The following KIRREL1 variants were observed in gnomAD, a reference collection of about 807,000 sequenced individuals.
The protein encoded by KIRREL1 is kirre like nephrin family adhesion molecule 1.
Under a neutral mutation model 83.3 loss-of-function variants are expected in KIRREL1, and 25 were observed. That is an observed-to-expected ratio of 0.30 (90% CI 0.22 to 0.42). The LOEUF is 0.42. Ranked by LOEUF, KIRREL1 falls within the 10% of genes least tolerant of loss-of-function variation. The pLI is 1.00. For missense variants in KIRREL1, 812 were observed against 1,032.3 expected, an observed-to-expected ratio of 0.79 and a Z score of 2.92; for synonymous variants, 388 against 410.4, an observed-to-expected ratio of 0.95 and a Z score of 0.66.
intron 1 of KIRREL1, among the ~76,000 whole-genome samples, chr1:158,025,880 G>A (rs929659631): frequency 6.6e-6 from 1 of 151,948 alleles, no homozygotes; most frequent in African/African-American, 2.4e-5. Context: ...AGGTCAGGAT[G>A]TCTGAAGAAA....
At chr1:158,022,334 C>G (rs1168302013) in intron 1 of KIRREL1, among the ~76,000 whole-genome samples, 2 of 152,166 alleles carry the variant, frequency 1.3e-5, no homozygotes, top group African/African-American at 4.8e-5. Context: ...TAAACACCTA[C>G]TATGTTCTGG....
chr1:158,078,196 A>G, intron 3 of KIRREL1, 56 bp downstream of exon 3: 1 of 1,560,496 alleles, frequency 6.4e-7, no homozygotes, highest in Non-Finnish European at 8.8e-7. Context: ...GTATCCTGGC[A>G]GTCTCTCCCA....
chr1:158,080,289 T>TAG (rs1320829645), intron 3 of KIRREL1, among the ~76,000 whole-genome samples: 1 of 151,994 alleles, frequency 6.6e-6, no homozygotes, highest in Non-Finnish European at 1.5e-5. Context: ...ATCACAGAGA[T>TAG]AGAGAGAGAT....
At position 158,086,840 on chromosome 1, in the gene KIRREL1, A is replaced by T; in HGVS notation, c.661+94A>T. ...CTTAGTTTGAGAAACACAAACTAAGAGTCCCCCTATGGTCCCCAGGACAAA... is the reference window on the plus strand; with the variant it reads ...CTTAGTTTGAGAAACACAAACTAAGTGTCCCCCTATGGTCCCCAGGACAAA... On this transcript the variant is annotated intron_variant, in intron 5 of 14. Transcript: ENST00000359209. The T allele has an allele frequency of 1.7e-6, 2 of 1,207,130 alleles. 1 individual carries two copies. The highest frequency in any genetic ancestry group is 2.7e-5 in the South Asian group (2 of 72,832). The allele number at this position is 1,207,130 out of a possible 1,614,324, so 74.8% of individuals were successfully genotyped here.
rs7513855 is a variant in KIRREL1 at position 158,089,424 on chromosome 1, G to A, written c.1045-78G>A. The A allele has an allele frequency of 3.9e-3, 6,136 of 1,582,814 alleles. 194 individuals are homozygous for A. In the African/African-American group the frequency reaches 0.074, roughly 19 times the overall value. Reference sequence around the variant, plus strand: ...TGGCCCTTCCTGCTTTCTTTCCGATGCCTCCGATGTGGGGCCCTCATGGAC... The same window carrying A: ...TGGCCCTTCCTGCTTTCTTTCCGATACCTCCGATGTGGGGCCCTCATGGAC... On this transcript the variant is annotated intron_variant, in intron 8 of 14. Transcript: ENST00000359209.
chr1:158,089,212 A>G (rs1005297754), intron 8 of KIRREL1, among the ~76,000 whole-genome samples: 2 of 152,208 alleles, frequency 1.3e-5, no homozygotes, highest in African/African-American at 4.8e-5. Context: ...TGAAAACACT[A>G]GAACAGATCA....
In KIRREL1 at chr1:158,091,552, G is replaced by A. The variant is rs546244037; in HGVS notation, c.1467G>A (p.Glu489=). Reference sequence around the variant, plus strand: ...GCACAGCCATCATCCAGCTGGAAGAGCGAGGTGACTGGTAGTGCTGCCTGC... The same window carrying A: ...GCACAGCCATCATCCAGCTGGAAGAACGAGGTGACTGGTAGTGCTGCCTGC... ...GPGTAIIQLE[E]REVLPVGIIA... The change falls in exon 11 of 15, where the codon GAG becomes GAA. Residue 489 remains glutamate (E), a synonymous_variant. Transcript: ENST00000359209. The A allele has an allele frequency of 6.2e-7, 1 of 1,614,152 alleles. No homozygotes were observed. Among genetic ancestry groups the A allele is most frequent in the Admixed American group, 1.7e-5 (1 of 60,022 alleles).
intron 5 of KIRREL1, among the ~76,000 whole-genome samples, chr1:158,087,494 C>T (rs745507931): frequency 2.6e-5 from 4 of 152,088 alleles, no homozygotes; most frequent in East Asian, 3.9e-4. Context: ...CTCACACTGA[C>T]GCCTAGTGGC....
intron 1 of KIRREL1, among the ~76,000 whole-genome samples, chr1:158,000,483 G>C (rs1164143270): frequency 6.6e-6 from 1 of 152,186 alleles, no homozygotes; most frequent in Non-Finnish European, 1.5e-5. Flanking sequence ...CTGTAACACT[G>C]GTCCCTCTCC....
rs747666751 is a variant in KIRREL1 at position 158,088,334 on chromosome 1, C to A, written c.924C>A (p.Pro308=). 1 of 1,612,414 alleles carries A rather than the reference C, an allele frequency of 6.2e-7. No homozygotes were observed. The highest frequency in any genetic ancestry group is 8.5e-7 in the Non-Finnish European group (1 of 1,179,192). ...CTTCTTTCTCCCTCACAGTTGCTCCCCGGATTGTAGTTGACCCCAAACCCA... is the reference window on the plus strand; with the variant it reads ...CTTCTTTCTCCCTCACAGTTGCTCCACGGATTGTAGTTGACCCCAAACCCA... ...VSTLVNVHFA[P]RIVVDPKPTT... The change falls in exon 8 of 15, where the codon CCC becomes CCA. Residue 308 remains proline, a synonymous_variant. Transcript: ENST00000359209.
intron 1 of KIRREL1, among the ~76,000 whole-genome samples, chr1:158,069,302 T>TTTTGTGTG (rs1553241941): frequency 1.4e-5 from 2 of 143,292 alleles, no homozygotes; most frequent in Non-Finnish European, 1.5e-5. Flanking sequence ...TATGACGTAC[T>TTTTGTGTG]TGTGTGTGTG....
Position 158,094,476 on chromosome 1 carries a change from C to A in KIRREL1, c.1797+86C>A. ...CTGTAGCGGGGAGGTGAGGTGAGGACAGACTTGGGGAGGAGTGGTTGGGAG... is the reference window on the plus strand; with the variant it reads ...CTGTAGCGGGGAGGTGAGGTGAGGAAAGACTTGGGGAGGAGTGGTTGGGAG... On this transcript the variant is annotated intron_variant, in intron 14 of 14. Transcript: ENST00000359209. The surrounding 1 kb of genome is among the most constrained non-coding windows in gnomAD (Gnocchi z 4.6). 7.1e-7 allele frequency: 1 copy of A among 1,412,782 alleles called. No individual in the cohort carries two copies. The highest frequency in any genetic ancestry group is 1.0e-6 in the Non-Finnish European group (1 of 1,002,416). The allele number at this position is 1,412,782 out of a possible 1,614,324, so 87.5% of individuals were successfully genotyped here. A position where few individuals can be genotyped will look rare whatever the true frequency, so the allele number is the denominator to read the frequency against.
At chr1:158,063,320 A>G (rs1422393485) in intron 1 of KIRREL1, among the ~76,000 whole-genome samples, 1 of 152,200 alleles carries the variant, frequency 6.6e-6, no homozygotes, top group African/African-American at 2.4e-5. Flanking sequence ...CATTCAACAA[A>G]CATCAATTAA....
intron 8 of KIRREL1, among the ~76,000 whole-genome samples, chr1:158,089,087 C>T (rs867126568): frequency 3.3e-5 from 5 of 151,996 alleles, no homozygotes; most frequent in Non-Finnish European, 7.4e-5. Flanking sequence ...GAAGCTGAGG[C>T]GATTCACTAA....
chr1:158,005,128 A>T (rs1172949420), intron 1 of KIRREL1, among the ~76,000 whole-genome samples: 1 of 152,196 alleles, frequency 6.6e-6, no homozygotes, highest in Non-Finnish European at 1.5e-5. Flanking sequence ...CTCTCGGGTG[A>T]TGCTGATGCT....
At chr1:157,997,815 A>G (rs1163565808) in intron 1 of KIRREL1, among the ~76,000 whole-genome samples, 2 of 152,176 alleles carry the variant, frequency 1.3e-5, no homozygotes, top group African/African-American at 4.8e-5. Flanking sequence ...ATCTAATTTA[A>G]TCTATGCTAC....
rs1050145441 is a variant in KIRREL1, at chr1:158,094,237, G to A, written c.1720-76G>A. 4.7e-6 allele frequency: 6 copies of A among 1,284,668 alleles called. No homozygotes were observed. Among genetic ancestry groups the A allele is most frequent in the African/African-American group, 1.5e-5 (1 of 68,264 alleles). 79.6% of individuals were successfully genotyped at this position (1,284,668 alleles called of 1,614,324 possible). ...CCACCCATGAGCAGGTGGCCTCTGA[G>A]CGTGGGGAGGGGTTGGTGAGGGGCG... On this transcript the variant is annotated intron_variant, in intron 13 of 14. Transcript: ENST00000359209. The surrounding 1 kb of genome is among the most constrained non-coding windows in gnomAD (Gnocchi z 4.6).
chr1:158,006,154 T>C (rs1037303433), intron 1 of KIRREL1, among the ~76,000 whole-genome samples: 2 of 152,192 alleles, frequency 1.3e-5, no homozygotes, highest in Non-Finnish European at 2.9e-5. Flanking sequence ...GATGATTCCT[T>C]AAGAACCTCA....
chr1:158,034,594 TAAGA>T (rs1471323962), intron 1 of KIRREL1, among the ~76,000 whole-genome samples: 1 of 152,206 alleles, frequency 6.6e-6, no homozygotes, highest in Non-Finnish European at 1.5e-5. Flanking sequence ...TGTGAGACCT[TAAGA>T]AAGATATGAA....
Sources: gnomAD v4.1 joint callset for allele counts (sites outside exome capture counted in the v4.1 genomes callset) on GRCh38, gnomAD v4.1.1 for gene constraint, Gnocchi (gnomAD v3.1) non-coding constraint, MANE v1.5 for transcripts, NCBI Gene and HGNC (gene_info 2026-07-23, HGNC 2026-07-21) for gene names.